IL1RAPL2: variants seen among roughly 807,000 people sequenced by gnomAD.
The protein encoded by IL1RAPL2 is X-linked interleukin-1 receptor accessory protein-like 2.
Under a neutral mutation model 44.1 loss-of-function variants are expected in IL1RAPL2, and 3 were observed. That is an observed-to-expected ratio of 0.07 (90% CI 0.03 to 0.18). The LOEUF is 0.18. Ranked by LOEUF, IL1RAPL2 falls within the 10% of genes least tolerant of loss-of-function variation. The probability of loss-of-function intolerance (pLI) is 1.00; values close to 1 mark genes in which losing one functional copy is unlikely to be tolerated. For synonymous variants in IL1RAPL2, 181 were observed against 178.8 expected, an observed-to-expected ratio of 1.01 and a Z score of -0.10; for missense variants, 391 against 496.4, an observed-to-expected ratio of 0.79 and a Z score of 2.02.
intron 2 of IL1RAPL2, among the ~76,000 whole-genome samples, chrX:104,753,149 T>C (rs1016444866): frequency 7.4e-5 from 8 of 108,748 alleles, no homozygotes; most frequent in Non-Finnish European, 1.5e-4. Context: ...TTTTTTTTTT[T>C]TGGAGAGCCC....
intron 2 of IL1RAPL2, among the ~76,000 whole-genome samples, chrX:104,920,924 G>C (rs1924619544): frequency 9.0e-6 from 1 of 110,938 alleles, no homozygotes; most frequent in African/African-American, 3.3e-5. Context: ...AAATTCAATA[G>C]AGAAGTGACA....
At position 104,798,504 on chromosome X, in the gene IL1RAPL2, A is replaced by T. The variant is rs911605965; in HGVS notation, c.82+139509A>T. Among the ~76,000 whole-genome samples, 15 of 109,189 alleles carry T rather than the reference A, an allele frequency of 1.4e-4. 1 individual carries two copies. Among genetic ancestry groups the T allele is most frequent in the South Asian group, 8.0e-4 (2 of 2,490 alleles). The allele number at this position is 109,189 out of a possible 115,157, so 94.8% of individuals were successfully genotyped here. A position where few individuals can be genotyped will look rare whatever the true frequency, so the allele number is the denominator to read the frequency against. On this transcript the variant is annotated intron_variant, in intron 2 of 10. Coordinates refer to ENST00000372582, the MANE Select transcript of IL1RAPL2 (RefSeq NM_017416.2). ...AAACCCTGTCTCTACTAAAAATAAA[A>T]AAAAAAAAAAAATTAGCCAGGCGTG...
At chrX:104,890,776 T>C (rs2147664994) in intron 2 of IL1RAPL2, among the ~76,000 whole-genome samples, 1 of 112,024 alleles carries the variant, frequency 8.9e-6, no homozygotes, top group East Asian at 2.8e-4. Flanking sequence ...GTAGTTTCTT[T>C]TGCCGTGCAG....
At chrX:105,543,115 C>G (rs1326203527) in intron 6 of IL1RAPL2, among the ~76,000 whole-genome samples, 1 of 111,335 alleles carries the variant, frequency 9.0e-6, no homozygotes, top group Non-Finnish European at 1.9e-5. Flanking sequence ...TAAATACTGC[C>G]CTTTTATAGA....
intron 2 of IL1RAPL2, among the ~76,000 whole-genome samples, chrX:105,069,078 G>A (rs2032173929): frequency 9.0e-6 from 1 of 111,421 alleles, no homozygotes; most frequent in African/African-American, 3.3e-5. Flanking sequence ...GCCCAAGAAA[G>A]AAAAAAGATA....
At chrX:105,180,350 C>A (rs374300528) in intron 2 of IL1RAPL2, among the ~76,000 whole-genome samples, 4,583 of 103,260 alleles carry the variant, frequency 0.044, 363 homozygotes, top group African/African-American at 0.16. Flanking sequence ...AAAACAAAAA[C>A]AAAAACAAAA....
chrX:104,660,406 G>A (rs1478314262), intron 2 of IL1RAPL2, among the ~76,000 whole-genome samples: 4 of 108,747 alleles, frequency 3.7e-5, no homozygotes, highest in Non-Finnish European at 5.7e-5. Context: ...AAGAAACGAG[G>A]GTTTAAAAAG....
intron 2 of IL1RAPL2, among the ~76,000 whole-genome samples, chrX:105,062,172 G>A (rs1190146356): frequency 9.0e-6 from 1 of 110,740 alleles, no homozygotes; most frequent in Non-Finnish European, 1.9e-5. Context: ...TTAATTTCTT[G>A]CTTTTTATTT....
chrX:105,364,615 T>C (rs1399538973), intron 5 of IL1RAPL2, among the ~76,000 whole-genome samples: 1 of 111,143 alleles, frequency 9.0e-6, no homozygotes, highest in Non-Finnish European at 1.9e-5. Flanking sequence ...CAATTTTCAG[T>C]GTGCAGATAC....
chrX:105,261,263 G>A lies in IL1RAPL2; in HGVS notation c.544-6125G>A, dbSNP rs770614271. ...GCTCCATGTTGCTTCCAGGTGGGCC[G>A]TCATCCTGTCTTGCTTTTCTTCATT... On this transcript the variant is annotated intron_variant, in intron 4 of 10. Transcript: ENST00000372582. Among the ~76,000 whole-genome samples, 34 of 112,083 alleles carry A rather than the reference G, an allele frequency of 3.0e-4. 1 individual carries two copies. The South Asian group carries it at 7.8e-3, about 26-fold the overall frequency.
chrX:104,977,397 G>A (rs747188286), intron 2 of IL1RAPL2, among the ~76,000 whole-genome samples: 11 of 111,975 alleles, frequency 9.8e-5, no homozygotes, highest in South Asian at 7.4e-4. Context: ...ATGGCTTTGC[G>A]GTGTTAGCAG....
intron 2 of IL1RAPL2, among the ~76,000 whole-genome samples, chrX:104,861,335 G>T (rs757713170): frequency 9.0e-6 from 1 of 111,386 alleles, no homozygotes; most frequent in Non-Finnish European, 1.9e-5. Context: ...AGGCACATGC[G>T]AGCACTGGGG....
chrX:104,679,889 G>A (rs771563856), intron 2 of IL1RAPL2, among the ~76,000 whole-genome samples: 22 of 111,848 alleles, frequency 2.0e-4, no homozygotes, highest in Admixed American at 1.7e-3. Flanking sequence ...CTGGCATTCA[G>A]GAAGCTCAAC....
At chrX:105,762,625 GT>G (rs2038696676) in intron 10 of IL1RAPL2, among the ~76,000 whole-genome samples, 1 of 111,989 alleles carries the variant, frequency 8.9e-6, no homozygotes, top group Admixed American at 9.5e-5. Flanking sequence ...ATCTGCTGTG[GT>G]TTCGCAGACT....
At chrX:105,390,854 T>C (rs1453207350) in intron 5 of IL1RAPL2, among the ~76,000 whole-genome samples, 1 of 111,126 alleles carries the variant, frequency 9.0e-6, no homozygotes, top group Admixed American at 9.6e-5. Flanking sequence ...CAGATGGCTT[T>C]CATCAGATAA....
At chrX:105,452,062 A>C (rs1236104808) in intron 5 of IL1RAPL2, among the ~76,000 whole-genome samples, 1 of 111,474 alleles carries the variant, frequency 9.0e-6, no homozygotes, top group Non-Finnish European at 1.9e-5. Flanking sequence ...GGAGATACTA[A>C]AAAACTGCTT....
intron 2 of IL1RAPL2, among the ~76,000 whole-genome samples, chrX:105,001,827 T>C (rs1196470771): frequency 9.0e-6 from 1 of 111,149 alleles, no homozygotes; most frequent in Non-Finnish European, 1.9e-5. Flanking sequence ...AGGGCTTTCC[T>C]ATTACACAGT....
At chrX:104,931,150 T>C (rs1177084940) in intron 2 of IL1RAPL2, among the ~76,000 whole-genome samples, 1 of 110,869 alleles carries the variant, frequency 9.0e-6, no homozygotes, top group East Asian at 2.8e-4. Context: ...TGGGAATTCC[T>C]AAGAAGCAGG....
chrX:104,640,788 T>A (rs953014350), intron 1 of IL1RAPL2, among the ~76,000 whole-genome samples: 6 of 112,296 alleles, frequency 5.3e-5, no homozygotes, highest in African/African-American at 1.9e-4. Flanking sequence ...TGTGATTTCC[T>A]TAGTAGCTTA....
Sources: allele counts gnomAD v4.1 joint callset (sites outside exome capture counted in the v4.1 genomes callset), GRCh38; gene constraint gnomAD v4.1.1; transcripts MANE v1.5; gene names NCBI Gene and HGNC (gene_info 2026-07-23, HGNC 2026-07-21).